TTC28: variants seen among roughly 807,000 people sequenced by gnomAD.
TTC28 encodes tetratricopeptide repeat protein 28.
Under a neutral mutation model 198.0 loss-of-function variants are expected in TTC28, and 61 were observed. The ratio of observed to expected loss-of-function variants is 0.31; its 90% CI spans 0.25 to 0.38. The LOEUF is 0.38. Ranked by LOEUF, TTC28 falls within the 10% of genes least tolerant of loss-of-function variation. The probability of loss-of-function intolerance (pLI) is 1.00; values close to 1 mark genes in which losing one functional copy is unlikely to be tolerated. For missense variants in TTC28, 2,678 were observed against 3,164.0 expected (o/e 0.85, Z 3.69); for synonymous variants, 1,171 against 1,297.8 (o/e 0.90, Z 2.10).
intron 5 of TTC28, among the ~76,000 whole-genome samples, chr22:28,178,486 G>A (rs1244356338): frequency 3.9e-5 from 6 of 151,900 alleles, no homozygotes; most frequent in African/African-American, 1.2e-4. Flanking sequence ...AACGGGGGAG[G>A]GGAGGGGGAG....
At chr22:28,367,331 G>C (rs1461404128) in intron 2 of TTC28, among the ~76,000 whole-genome samples, 2 of 152,006 alleles carry the variant, frequency 1.3e-5, no homozygotes, top group African/African-American at 2.4e-5. Flanking sequence ...AAATGCTCCT[G>C]AATGACCAAT....
At chr22:28,166,826 G>A (rs1029674827) in intron 5 of TTC28, among the ~76,000 whole-genome samples, 1 of 152,136 alleles carries the variant, frequency 6.6e-6, no homozygotes, top group East Asian at 1.9e-4. Context: ...TAAGATCAGA[G>A]CAGAACTGAA....
chr22:28,565,195 C>T (rs1213477421), intron 2 of TTC28, among the ~76,000 whole-genome samples: 1 of 151,646 alleles, frequency 6.6e-6, no homozygotes, highest in Non-Finnish European at 1.5e-5. Context: ...AACAATATAC[C>T]TAGGTAAGAC....
intron 12 of TTC28, among the ~76,000 whole-genome samples, chr22:28,083,984 A>C (rs1941463522): frequency 6.6e-6 from 1 of 152,270 alleles, no homozygotes; most frequent in African/African-American, 2.4e-5. Flanking sequence ...GCCATTGCTC[A>C]GGCTTGAGTA....
intron 12 of TTC28, among the ~76,000 whole-genome samples, chr22:28,084,818 G>A (rs1443349085): frequency 6.6e-6 from 1 of 152,122 alleles, no homozygotes; most frequent in Non-Finnish European, 1.5e-5. Context: ...GTCCTCAAAG[G>A]ACCTGATGGA....
At chr22:28,392,108 G>A (rs905750019) in intron 2 of TTC28, among the ~76,000 whole-genome samples, 7 of 152,216 alleles carry the variant, frequency 4.6e-5, no homozygotes, top group Admixed American at 3.3e-4. Flanking sequence ...GCTGTGTGAG[G>A]TGTCAGTCTG....
Position 28,107,463 on chromosome 22 carries a change from G to A in TTC28, c.2382C>T (p.Cys794=), listed in dbSNP as rs371884009. ...YQELSDLPGE[C]RAHGHLAAVY... is the part of the protein sequence containing the mutation. ...CAGCAGCCAGGTGCCCATGAGCTCT[G>A]CACTCCCCTGGCAAGTCACTCAGCT... The change falls in exon 7 of 23, where the codon TGC becomes TGT. Residue 794 remains cysteine (C), a synonymous_variant. Coordinates refer to ENST00000397906, the MANE Select transcript of TTC28 (RefSeq NM_001145418.2). 7.5e-4 allele frequency: 1,161 copies of A among 1,551,678 alleles called. 5 individuals are homozygous for A. In the South Asian group the frequency reaches 8.2e-3, roughly 11 times the overall value.
chr22:28,587,841 A>G (rs972641470), intron 2 of TTC28, among the ~76,000 whole-genome samples: 3 of 152,306 alleles, frequency 2.0e-5, no homozygotes, highest in African/African-American at 7.2e-5. Context: ...ATGCACTTAT[A>G]AAAACATGCT....
intron 2 of TTC28, among the ~76,000 whole-genome samples, chr22:28,613,315 C>G (rs529779520): frequency 2.6e-5 from 4 of 152,214 alleles, no homozygotes; most frequent in Non-Finnish European, 5.9e-5. Flanking sequence ...TAATAGCCTA[C>G]CAACCAAAAA....
chr22:28,625,510 C>A (rs771083349), intron 2 of TTC28, among the ~76,000 whole-genome samples: 2 of 152,058 alleles, frequency 1.3e-5, no homozygotes, highest in Non-Finnish European at 2.9e-5. Context: ...GATCTGAACA[C>A]TGAAAACTAC....
chr22:28,133,032 G>A (rs1351738690), intron 6 of TTC28, among the ~76,000 whole-genome samples: 2 of 152,168 alleles, frequency 1.3e-5, no homozygotes, highest in Non-Finnish European at 2.9e-5. Context: ...GAGACCACCT[G>A]GCCAACATGG....
At chr22:27,993,193 TC>T (rs2146525700) in intron 18 of TTC28, 93 bp downstream of exon 18, 2 of 1,165,614 alleles carry the variant, frequency 1.7e-6, no homozygotes, top group South Asian at 3.2e-5. Context: ...AGCTGGGAGA[TC>T]CAGCATCCTC....
At chr22:28,589,252 C>A (rs2050379601) in intron 2 of TTC28, among the ~76,000 whole-genome samples, 1 of 152,116 alleles carries the variant, frequency 6.6e-6, no homozygotes, top group Non-Finnish European at 1.5e-5. Context: ...AGAGGAGCCC[C>A]TTGATTTGAG....
intron 2 of TTC28, among the ~76,000 whole-genome samples, chr22:28,325,721 C>A (rs1325090125): frequency 6.6e-6 from 1 of 151,810 alleles, no homozygotes; most frequent in Non-Finnish European, 1.5e-5. Flanking sequence ...ATTCAGATAG[C>A]AAATAAGCAC....
chr22:28,473,394 C>G (rs769990470), intron 2 of TTC28, among the ~76,000 whole-genome samples: 6 of 152,082 alleles, frequency 3.9e-5, no homozygotes, highest in Non-Finnish European at 8.8e-5. Context: ...TGAGGACTAG[C>G]TAAAACAGGG....
intron 2 of TTC28, among the ~76,000 whole-genome samples, chr22:28,433,394 G>A (rs1228671303): frequency 1.3e-5 from 2 of 152,112 alleles, no homozygotes; most frequent in African/African-American, 4.8e-5. Context: ...CCCAGGTCAA[G>A]AGCCAGCTTC....
At chr22:28,648,611 G>C (rs1293245633) in intron 1 of TTC28, among the ~76,000 whole-genome samples, 4 of 152,136 alleles carry the variant, frequency 2.6e-5, no homozygotes, top group African/African-American at 4.8e-5. Flanking sequence ...ACTGATGAGG[G>C]AAAAAAGAAA....
chr22:28,102,953 C>G (rs1942196267), intron 8 of TTC28, among the ~76,000 whole-genome samples: 1 of 152,168 alleles, frequency 6.6e-6, no homozygotes, highest in African/African-American at 2.4e-5. Context: ...ATAAGCTAAA[C>G]ACATTAATTC....
chr22:28,257,792 A>G (rs1256575147), intron 5 of TTC28, among the ~76,000 whole-genome samples: 1 of 132,514 alleles, frequency 7.5e-6, no homozygotes, highest in African/African-American at 3.0e-5. Context: ...CTTCTACTTC[A>G]ATAAAAAATA....
Sources: gnomAD v4.1 joint callset for allele counts (sites outside exome capture counted in the v4.1 genomes callset) on GRCh38, gnomAD v4.1.1 for gene constraint, MANE v1.5 for transcripts, NCBI Gene and HGNC (gene_info 2026-07-23, HGNC 2026-07-21) for gene names.